AASS: variants seen among roughly 807,000 people sequenced by gnomAD.
The protein encoded by AASS is alpha-aminoadipic semialdehyde synthase, mitochondrial.
In AASS, 86 loss-of-function variants were observed where a neutral mutation model predicts 105.4. The ratio of observed to expected loss-of-function variants is 0.82; its 90% CI spans 0.69 to 0.98. The LOEUF is 0.98. AASS is among the 50% of genes least tolerant of loss of function. AASS has a pLI of 0.00. For missense variants in AASS, 1,048 were observed against 1,143.2 expected, an observed-to-expected ratio of 0.92 and a Z score of 1.20; for synonymous variants, 381 against 394.8, an observed-to-expected ratio of 0.96 and a Z score of 0.41.
At chr7:122,079,347 C>T (rs1793195329) in intron 21 of AASS, 5 of 1,371,496 alleles carry the variant, frequency 3.6e-6, no homozygotes, top group Middle Eastern at 2.8e-4. Context: ...AGCAAAAATA[C>T]CCCACTATGC....
Position 122,076,023 on chromosome 7 carries a change from A to C in AASS, c.*466T>G, listed in dbSNP as rs1265976562. Reference sequence around the variant, plus strand: ...CCGTCTCTACTGAAAAATACAAAAAATTTAGCCGGGCGTGGTGGCGGGTGC... The same window carrying C: ...CCGTCTCTACTGAAAAATACAAAAACTTTAGCCGGGCGTGGTGGCGGGTGC... On this transcript the variant is annotated 3_prime_UTR_variant, in exon 24 of 24. Transcript: ENST00000417368. 6.4e-6 allele frequency: 1 copy of C among 156,542 alleles called. No homozygotes were observed. The highest frequency in any genetic ancestry group is 1.4e-5 in the Non-Finnish European group (1 of 70,872). The allele number at this position is 156,542 out of a possible 1,614,324, so 9.7% of individuals were successfully genotyped here.
intron 1 of AASS, among the ~76,000 whole-genome samples, chr7:122,139,943 C>T (rs1796309464): frequency 7.9e-6 from 1 of 126,604 alleles, no homozygotes; most frequent in Admixed American, 7.9e-5. Context: ...CAAAGTGAGA[C>T]TGTCTCAAAC....
intron 23 of AASS, 96 bp downstream of exon 23, chr7:122,077,742 C>G: frequency 6.9e-7 from 1 of 1,457,156 alleles, no homozygotes; most frequent in Non-Finnish European, 9.6e-7. Context: ...TAGTAAATGC[C>G]TGTGTTACGC....
intron 18 of AASS, among the ~76,000 whole-genome samples, chr7:122,090,467 C>A (rs1204387949): frequency 6.6e-6 from 1 of 152,116 alleles, no homozygotes; most frequent in African/African-American, 2.4e-5. Context: ...GCACAAAAGA[C>A]CATGGCTAAT....
intron 11 of AASS, among the ~76,000 whole-genome samples, chr7:122,105,310 TG>T (rs1176373826): frequency 6.6e-6 from 1 of 152,044 alleles, no homozygotes; most frequent in African/African-American, 2.4e-5. Context: ...CTTTCAAAGA[TG>T]GAAAGATCAA....
At chr7:122,095,594 A>C (rs561855474) in intron 15 of AASS, among the ~76,000 whole-genome samples, 2 of 149,038 alleles carry the variant, frequency 1.3e-5, no homozygotes, top group South Asian at 2.1e-4. Flanking sequence ...AAAAAAAAAA[A>C]CAATAAAACC....
chr7:122,092,799 A>G, intron 17 of AASS, 44 bp downstream of exon 17: 10 of 1,450,270 alleles, frequency 6.9e-6, no homozygotes, highest in Non-Finnish European at 9.7e-6. Flanking sequence ...GTACACAAGA[A>G]TTTAGACATT....
chr7:122,133,561 TGTA>T lies in AASS; in HGVS notation c.163_165del (p.Tyr55del). On this transcript the variant is annotated inframe_deletion, in exon 2 of 24. Coordinates refer to ENST00000417368, the MANE Select transcript of AASS (RefSeq NM_005763.4). ...CGATTCGAAGGCTGTATCAAGACCT[TGTA>T]TCCCAGATTGGTGATGCCTTTGATG... 6.2e-7 allele frequency: 1 copy of T among 1,614,222 alleles called. No individual in the cohort carries two copies. The highest frequency in any genetic ancestry group is 8.5e-7 in the Non-Finnish European group (1 of 1,180,042).
chr7:122,092,016 C>T (rs1793927030), intron 17 of AASS, among the ~76,000 whole-genome samples, 173 bp from the exon 18 acceptor site: 1 of 151,860 alleles, frequency 6.6e-6, no homozygotes, highest in African/African-American at 2.4e-5. Flanking sequence ...GATTAAATAA[C>T]AGTTAATTTT....
chr7:122,132,782 G>A (rs990437843), intron 2 of AASS, among the ~76,000 whole-genome samples: 1 of 152,026 alleles, frequency 6.6e-6, no homozygotes, highest in Non-Finnish European at 1.5e-5. Flanking sequence ...TGTAAGTCTT[G>A]GGGTCTAGAG....
intron 19 of AASS, chr7:122,082,952 C>T (rs1793441075): frequency 1.9e-6 from 2 of 1,056,134 alleles, no homozygotes; most frequent in African/African-American, 1.6e-5. Context: ...TGAAGAAAGA[C>T]CATAATGGTT....
At position 122,076,250 on chromosome 7, in the gene AASS, T is replaced by C. The variant is rs981011416; in HGVS notation, c.*239A>G. On this transcript the variant is annotated 3_prime_UTR_variant, in exon 24 of 24. Transcript: ENST00000417368. ...ATTAACAAATAGCATGATCATCACT[T>C]TCACATACGTATTTATAAAATACAG... 1.8e-5 allele frequency: 8 copies of C among 453,664 alleles called. No individual in the cohort carries two copies. The highest frequency in any genetic ancestry group is 2.8e-5 in the Non-Finnish European group (7 of 254,098). The allele number at this position is 453,664 out of a possible 1,614,324, so 28.1% of individuals were successfully genotyped here.
intron 11 of AASS, among the ~76,000 whole-genome samples, chr7:122,107,604 T>C (rs1351607857): frequency 2.0e-5 from 3 of 152,158 alleles, no homozygotes; most frequent in Non-Finnish European, 2.9e-5. Flanking sequence ...TGCAGGAACA[T>C]GGATAGAGCT....
At chr7:122,081,138 G>GTAAC (rs963280761) in intron 20 of AASS, among the ~76,000 whole-genome samples, 1 of 152,156 alleles carries the variant, frequency 6.6e-6, no homozygotes, top group African/African-American at 2.4e-5. Context: ...TAATACACTA[G>GTAAC]TAACTCTCCT....
intron 11 of AASS, among the ~76,000 whole-genome samples, chr7:122,101,909 G>A (rs1794451476): frequency 1.3e-5 from 2 of 151,828 alleles, no homozygotes; most frequent in African/African-American, 4.8e-5. Flanking sequence ...ACTAAAATTG[G>A]ATTATAATCA....
intron 11 of AASS, 21 bp from the exon 12 acceptor site, chr7:122,101,701 G>A (rs1438153760): frequency 6.3e-7 from 1 of 1,596,978 alleles, no homozygotes; most frequent in Non-Finnish European, 8.6e-7. Context: ...AATGAGATTT[G>A]TAAGAGATAA....
intron 11 of AASS, among the ~76,000 whole-genome samples, chr7:122,109,982 A>T (rs1193675553): frequency 6.6e-6 from 1 of 152,022 alleles, no homozygotes; most frequent in African/African-American, 2.4e-5. Context: ...ACAATCAAAA[A>T]TGGGCTGTAC....
chr7:122,098,665 A>C, intron 14 of AASS, 80 bp downstream of exon 14: 1 of 1,586,688 alleles, frequency 6.3e-7, no homozygotes, highest in Non-Finnish European at 8.6e-7. Context: ...AAATTTCAGA[A>C]ACAAAGTAGT....
chr7:122,133,789 G>A, intron 1 of AASS, 48 bp from the exon 2 acceptor site: 10 of 1,517,010 alleles, frequency 6.6e-6, no homozygotes, highest in Non-Finnish European at 9.1e-6. Flanking sequence ...AGCAAGGCTG[G>A]CAGATCAGTT....
Sources: allele counts gnomAD v4.1 joint callset (sites outside exome capture counted in the v4.1 genomes callset), GRCh38; gene constraint gnomAD v4.1.1; transcripts MANE v1.5; gene names NCBI Gene and HGNC (gene_info 2026-07-23, HGNC 2026-07-21).